SBF2: variants seen among roughly 807,000 people sequenced by gnomAD.
The protein encoded by SBF2 is SET binding factor 2, also known as myotubularin-related protein 13.
In SBF2, 112 loss-of-function variants were observed where a neutral mutation model predicts 225.2. The observed-to-expected ratio is 0.50, with a 90% confidence interval of 0.43 to 0.58. The LOEUF is 0.58. Among genes scored for constraint, SBF2 ranks in the 20% least tolerant of loss-of-function variants. SBF2 has a pLI of 0.00. For missense variants in SBF2, 1,996 were observed against 2,206.2 expected (o/e 0.90, Z 1.91); for synonymous variants, 763 against 773.3 (o/e 0.99, Z 0.22).
At chr11:9,874,779 T>G (rs1289675245) in intron 17 of SBF2, among the ~76,000 whole-genome samples, 1 of 152,220 alleles carries the variant, frequency 6.6e-6, no homozygotes, top group South Asian at 2.1e-4. Flanking sequence ...TATTATTGGA[T>G]AAGTCACCTA....
chr11:9,924,269 A>G (rs1367646224), intron 16 of SBF2, among the ~76,000 whole-genome samples: 1 of 152,202 alleles, frequency 6.6e-6, no homozygotes, highest in Non-Finnish European at 1.5e-5. Context: ...ATAGTATTCA[A>G]TAAATTACAT....
intron 33 of SBF2, 133 bp from the exon 34 acceptor site, chr11:9,790,816 A>G: frequency 2.9e-6 from 2 of 686,742 alleles, no homozygotes; most frequent in Non-Finnish European, 5.0e-6. Flanking sequence ...TTGTGTGAAA[A>G]CCTTAGAAAA....
At chr11:10,152,756 A>G (rs967316256) in intron 2 of SBF2, among the ~76,000 whole-genome samples, 1 of 152,228 alleles carries the variant, frequency 6.6e-6, no homozygotes, top group African/African-American at 2.4e-5. Context: ...ATGGTGAACC[A>G]AAGATAAAGC....
chr11:9,839,521 G>A lies in SBF2; in HGVS notation c.3432C>T (p.Asn1144=). Reference sequence around the variant, plus strand: ...ACCTCCGGCAGAGTGAATACATCCTGTTGGAGGCAGTAATTCTAAAATACT... The same window carrying A: ...ACCTCCGGCAGAGTGAATACATCCTATTGGAGGCAGTAATTCTAAAATACT... ...RPEYFRITAS[N]RMYSLCRSYP... Residue 1144 remains asparagine (N), a synonymous_variant, in exon 26 of 40, where the codon AAC becomes AAT. Coordinates refer to ENST00000256190, the MANE Select transcript of SBF2 (RefSeq NM_030962.4). 1 of 1,614,208 alleles carries A rather than the reference G, an allele frequency of 6.2e-7. No homozygotes were observed. Among genetic ancestry groups the A allele is most frequent in the Non-Finnish European group, 8.5e-7 (1 of 1,180,020 alleles).
At chr11:10,166,316 G>C (rs1955947750) in intron 2 of SBF2, among the ~76,000 whole-genome samples, 1 of 152,140 alleles carries the variant, frequency 6.6e-6, no homozygotes, top group South Asian at 2.1e-4. Flanking sequence ...TCATCACTAT[G>C]CCAGTGAAAG....
chr11:9,892,206 C>A (rs1230543244), intron 17 of SBF2, among the ~76,000 whole-genome samples: 1 of 151,982 alleles, frequency 6.6e-6, no homozygotes, highest in Non-Finnish European at 1.5e-5. Flanking sequence ...GCAGCCTCTG[C>A]CTCCTGAGTT....
intron 2 of SBF2, among the ~76,000 whole-genome samples, chr11:10,121,114 G>A (rs946668197): frequency 3.9e-5 from 6 of 152,166 alleles, no homozygotes; most frequent in Non-Finnish European, 8.8e-5. Flanking sequence ...TAATGGGTGC[G>A]GTGTGACATC....
At chr11:10,192,822 C>T (rs1425933281) in intron 2 of SBF2, among the ~76,000 whole-genome samples, 1 of 152,148 alleles carries the variant, frequency 6.6e-6, no homozygotes, top group African/African-American at 2.4e-5. Flanking sequence ...GACACTGCTT[C>T]TATGTGTTTA....
rs1170874978 is a variant in SBF2 at position 9,980,289 on chromosome 11, TAAAA to T, written c.1395+9204_1395+9207del. ...GCCACCATACCCAGCCTCTTGTAAT[TAAAA>T]AAAAAAAAAAAAAAAAAAAATTTGT... is the stretch of plus-strand genomic sequence containing the variant. On this transcript the variant is annotated intron_variant, in intron 13 of 39. Coordinates refer to ENST00000256190, the MANE Select transcript of SBF2 (RefSeq NM_030962.4). 4.2e-3 allele frequency among the ~76,000 whole-genome samples: 449 copies of T among 105,862 alleles called. 2 individuals carry two copies. Among genetic ancestry groups the T allele is most frequent in the South Asian group, 7.2e-3 (22 of 3,052 alleles). 69.4% of individuals were successfully genotyped at this position (105,862 alleles called of 152,430 possible).
chr11:9,826,713 GTATATA>G (rs55922206), intron 28 of SBF2, among the ~76,000 whole-genome samples: 5 of 148,764 alleles, frequency 3.4e-5, no homozygotes, highest in African/African-American at 1.2e-4. Context: ...TGTGTGGTGT[GTATATA>G]TATATATATA....
chr11:10,081,951 G>A (rs1951385221), intron 2 of SBF2, among the ~76,000 whole-genome samples: 1 of 151,916 alleles, frequency 6.6e-6, no homozygotes, highest in South Asian at 2.1e-4. Flanking sequence ...TTAAAAAGTT[G>A]ATACTTAGAA....
At chr11:10,184,745 G>A (rs1956866788) in intron 2 of SBF2, among the ~76,000 whole-genome samples, 2 of 152,112 alleles carry the variant, frequency 1.3e-5, no homozygotes, top group Admixed American at 1.3e-4. Context: ...GTTGTTGCTT[G>A]AGACGGAGTC....
intron 2 of SBF2, among the ~76,000 whole-genome samples, chr11:10,095,670 A>G (rs1951986452): frequency 6.6e-6 from 1 of 152,230 alleles, no homozygotes; most frequent in African/African-American, 2.4e-5. Context: ...AAAAGGTTTA[A>G]AAGAAAGTTC....
intron 1 of SBF2, among the ~76,000 whole-genome samples, chr11:10,277,805 A>C (rs1332406474): frequency 1.3e-5 from 2 of 152,220 alleles, no homozygotes; most frequent in Admixed American, 1.3e-4. Flanking sequence ...CCCTGGGGCC[A>C]CCAGATGCTG....
At chr11:9,989,268 T>C (rs527237761) in intron 13 of SBF2, among the ~76,000 whole-genome samples, 39 of 151,978 alleles carry the variant, frequency 2.6e-4, no homozygotes, top group Non-Finnish European at 5.1e-4. Context: ...ATAAGAATGA[T>C]ACAATAAATT....
intron 5 of SBF2, among the ~76,000 whole-genome samples, chr11:10,028,809 G>A (rs1231054684): frequency 6.6e-6 from 1 of 151,910 alleles, no homozygotes; most frequent in Non-Finnish European, 1.5e-5. Flanking sequence ...ATCATAACTG[G>A]CTAAAAAATA....
chr11:10,285,532 C>T (rs2135571036), intron 1 of SBF2, among the ~76,000 whole-genome samples: 1 of 152,310 alleles, frequency 6.6e-6, no homozygotes, highest in African/African-American at 2.4e-5. Context: ...AATTTCCCTT[C>T]AGCTATGTCA....
intron 14 of SBF2, among the ~76,000 whole-genome samples, chr11:9,968,124 TA>T (rs1867087648): frequency 6.6e-6 from 1 of 151,848 alleles, no homozygotes; most frequent in Admixed American, 6.6e-5. Context: ...AAGCTGTTAT[TA>T]AAAAAAGAAA....
intron 6 of SBF2, among the ~76,000 whole-genome samples, chr11:10,005,651 G>A (rs1948157127): frequency 6.6e-6 from 1 of 152,060 alleles, no homozygotes; most frequent in African/African-American, 2.4e-5. Context: ...GACCTCTATG[G>A]ATTTGCTGTC....
Sources: gnomAD v4.1 joint callset for allele counts (sites outside exome capture counted in the v4.1 genomes callset) on GRCh38, gnomAD v4.1.1 for gene constraint, MANE v1.5 for transcripts, NCBI Gene and HGNC (gene_info 2026-07-23, HGNC 2026-07-21) for gene names.